The following SLC24A4 variants were observed in gnomAD, a reference collection of about 807,000 sequenced individuals.
SLC24A4 encodes solute carrier family 24 member 4, also known as sodium/potassium/calcium exchanger 4.
A neutral mutation model predicts 79.0 loss-of-function variants in SLC24A4; 53 were observed. The observed-to-expected ratio is 0.67, with a 90% CI of 0.54 to 0.84. The LOEUF is 0.84. Ranked by LOEUF, SLC24A4 falls within the 40% of genes least tolerant of loss-of-function variation. The probability of loss-of-function intolerance (pLI) is 0.00; values close to 1 mark genes in which losing one functional copy is unlikely to be tolerated. For missense variants in SLC24A4, 731 were observed against 822.0 expected (o/e 0.89, Z 1.35); for synonymous variants, 323 against 323.8 (o/e 1.00, Z 0.03).
intron 4 of SLC24A4, among the ~76,000 whole-genome samples, chr14:92,440,937 G>A (rs1188603857): frequency 1.3e-5 from 2 of 152,074 alleles, no homozygotes; most frequent in African/African-American, 4.8e-5. Context: ...GAGGACAGGA[G>A]GCAGCATGGT....
At chr14:92,472,506 T>G (rs1015773692) in intron 12 of SLC24A4, among the ~76,000 whole-genome samples, 1 of 152,228 alleles carries the variant, frequency 6.6e-6, no homozygotes, top group Non-Finnish European at 1.5e-5. Flanking sequence ...GATGTTTGGT[T>G]TTCCGTTCCT....
chr14:92,475,969 A>G (rs889076325), intron 12 of SLC24A4, among the ~76,000 whole-genome samples: 6 of 152,206 alleles, frequency 3.9e-5, no homozygotes, highest in Admixed American at 1.3e-4. Flanking sequence ...TTAGGAAACA[A>G]TGGTGGGCCG....
chr14:92,330,802 C>T (rs1252056228), intron 2 of SLC24A4, among the ~76,000 whole-genome samples: 2 of 152,200 alleles, frequency 1.3e-5, no homozygotes, highest in African/African-American at 4.8e-5. Flanking sequence ...GGGGGCCATA[C>T]CCTCATGCAC....
intron 12 of SLC24A4, among the ~76,000 whole-genome samples, chr14:92,465,622 G>A (rs894689019): frequency 4.6e-5 from 7 of 152,136 alleles, no homozygotes; most frequent in Non-Finnish European, 8.8e-5. Flanking sequence ...CTGCAGCTCC[G>A]CTCCTTCCCT....
chr14:92,355,895 TG>T (rs1463501441), intron 2 of SLC24A4, among the ~76,000 whole-genome samples: 6 of 152,164 alleles, frequency 3.9e-5, no homozygotes, highest in African/African-American at 9.7e-5. Flanking sequence ...GATTTGTTTG[TG>T]GGTGTGTTTA....
intron 2 of SLC24A4, among the ~76,000 whole-genome samples, chr14:92,381,483 G>C (rs1223878081): frequency 1.3e-5 from 2 of 152,102 alleles, no homozygotes; most frequent in African/African-American, 4.8e-5. Flanking sequence ...TAATGCATGC[G>C]GGGCTTAAAG....
chr14:92,353,997 A>T lies in SLC24A4; in HGVS notation c.241+28019A>T, dbSNP rs1274017863. ...TCACTTGCTAAGAGAAATTAAGCTA[A>T]ATTGCCTCCGGTTTTGTGTCCCTCC... On this transcript the variant is annotated intron_variant, in intron 2 of 16. Coordinates refer to ENST00000532405, the MANE Select transcript of SLC24A4 (RefSeq NM_153646.4). The surrounding 1 kb of genome is among the most constrained non-coding windows in gnomAD (Gnocchi z 4.1). 2.6e-5 allele frequency among the ~76,000 whole-genome samples: 4 copies of T among 152,110 alleles called. No individual in the cohort carries two copies. The highest frequency in any genetic ancestry group is 1.5e-5 in the Non-Finnish European group (1 of 68,008).
At chr14:92,439,240 C>T in intron 3 of SLC24A4, 95 bp from the exon 4 acceptor site, 2 of 1,034,208 alleles carry the variant, frequency 1.9e-6, no homozygotes, top group Non-Finnish European at 3.0e-6. Context: ...TCCGCCTGGC[C>T]TCTGCCCTGG....
intron 1 of SLC24A4, among the ~76,000 whole-genome samples, chr14:92,324,385 A>G (rs886342071): frequency 1.3e-5 from 2 of 152,148 alleles, no homozygotes; most frequent in Non-Finnish European, 2.9e-5. Context: ...CCCTGGTTCA[A>G]AGGGGTCCCC....
At chr14:92,394,966 C>T (rs1022420640) in intron 2 of SLC24A4, among the ~76,000 whole-genome samples, 1 of 152,124 alleles carries the variant, frequency 6.6e-6, no homozygotes, top group African/African-American at 2.4e-5. Context: ...AGTGAGACCC[C>T]GGCTGTTGGA....
At chr14:92,449,603 A>G (rs1893023435) in intron 10 of SLC24A4, among the ~76,000 whole-genome samples, 1 of 152,196 alleles carries the variant, frequency 6.6e-6, no homozygotes. Flanking sequence ...GGGGCAGCAG[A>G]GCCAGCCTGG....
chr14:92,490,171 G>A lies in SLC24A4; in HGVS notation c.1538-1494G>A, dbSNP rs145366978. ...CCGATCTGAGTTGCCTGCCGTATGT[G>A]CCAGCTACCAAAGCAATGTTGTGGT... On this transcript the variant is annotated intron_variant, in intron 14 of 16. Coordinates refer to ENST00000532405, the MANE Select transcript of SLC24A4 (RefSeq NM_153646.4). This position sits in a 1 kb window ranked among gnomAD's most constrained non-coding sequence, Gnocchi z 4.3. Among the ~76,000 whole-genome samples, 1 of 152,348 alleles carries A rather than the reference G, an allele frequency of 6.6e-6. No homozygotes were observed. Among genetic ancestry groups the A allele is most frequent in the Non-Finnish European group, 1.5e-5 (1 of 68,040 alleles).
In SLC24A4 at chr14:92,374,326, G is replaced by A. The variant is rs143832753; in HGVS notation, c.241+48348G>A. On this transcript the variant is annotated intron_variant, in intron 2 of 16. Coordinates refer to ENST00000532405, the MANE Select transcript of SLC24A4 (RefSeq NM_153646.4). Reference sequence around the variant, plus strand: ...AAGACCAAGGCTCAGACCAAGAAGCGACTTGTCCCTAGGTCCTCCAGGCAG... The same window carrying A: ...AAGACCAAGGCTCAGACCAAGAAGCAACTTGTCCCTAGGTCCTCCAGGCAG... Among the ~76,000 whole-genome samples the A allele has an allele frequency of 6.2e-3, 945 of 152,352 alleles. 39 individuals carry two copies. The highest frequency in any genetic ancestry group is 0.059 in the Admixed American group (898 of 15,300).
At chr14:92,417,263 G>C (rs1425233514) in intron 2 of SLC24A4, among the ~76,000 whole-genome samples, 1 of 152,174 alleles carries the variant, frequency 6.6e-6, no homozygotes, top group Non-Finnish European at 1.5e-5. Flanking sequence ...CGTCTTGCTA[G>C]TCCTGACCCT....
chr14:92,443,620 C>T (rs1892629233), intron 7 of SLC24A4, 146 bp downstream of exon 7: 6 of 822,286 alleles, frequency 7.3e-6, no homozygotes, highest in Admixed American at 4.2e-5. Flanking sequence ...ACTGCGGTCA[C>T]AGTGACCAGC....
At chr14:92,422,128 G>A (rs1374977146) in intron 2 of SLC24A4, among the ~76,000 whole-genome samples, 1 of 152,218 alleles carries the variant, frequency 6.6e-6, no homozygotes, top group Non-Finnish European at 1.5e-5. Flanking sequence ...TGTAAGGGCA[G>A]GCACTTTTGC....
intron 2 of SLC24A4, among the ~76,000 whole-genome samples, chr14:92,421,372 C>A (rs1451254291): frequency 6.6e-6 from 1 of 152,130 alleles, no homozygotes; most frequent in Non-Finnish European, 1.5e-5. Context: ...TGCCCTTTGC[C>A]AATTAGTCCC....
chr14:92,347,021 A>G (rs898110534), intron 2 of SLC24A4, among the ~76,000 whole-genome samples: 1 of 151,490 alleles, frequency 6.6e-6, no homozygotes, highest in Non-Finnish European at 1.5e-5. Flanking sequence ...CACTTCTAGT[A>G]TGGCTCATTT....
At chr14:92,374,085 G>T (rs1888361581) in intron 2 of SLC24A4, among the ~76,000 whole-genome samples, 1 of 152,186 alleles carries the variant, frequency 6.6e-6, no homozygotes, top group Admixed American at 6.5e-5. Flanking sequence ...GGCAAGGGAG[G>T]CCCCAGCCAA....
Sources: allele counts gnomAD v4.1 joint callset (sites outside exome capture counted in the v4.1 genomes callset), GRCh38; gene constraint gnomAD v4.1.1; non-coding constraint Gnocchi (gnomAD v3.1); transcripts MANE v1.5; gene names NCBI Gene and HGNC (gene_info 2026-07-23, HGNC 2026-07-21).